Variants in SLC17A7 observed in about 807,000 individuals in gnomAD.
SLC17A7 encodes the protein vesicular glutamate transporter 1.
In SLC17A7, 15 loss-of-function variants were observed where a neutral mutation model predicts 59.1. The ratio of observed to expected loss-of-function variants is 0.25; its 90% CI spans 0.17 to 0.39. The LOEUF (loss-of-function observed/expected upper bound fraction) is 0.39. Ranked by LOEUF, SLC17A7 falls within the 10% of genes least tolerant of loss-of-function variation. The pLI, the probability that SLC17A7 is intolerant of heterozygous loss-of-function variation, is 1.00. For synonymous variants in SLC17A7, 353 were observed against 308.9 expected, an observed-to-expected ratio of 1.14 and a Z score of -1.50; for missense variants, 499 against 765.1, an observed-to-expected ratio of 0.65 and a Z score of 4.10.
intron 3 of SLC17A7, 85 bp downstream of exon 3, chr19:49,435,083 G>T: frequency 8.7e-7 from 1 of 1,148,832 alleles, no homozygotes; most frequent in Non-Finnish European, 1.3e-6. Context: ...ATTTACCAGA[G>T]CCAGCCCGCA....
In SLC17A7 at chr19:49,430,283, T is replaced by G; in HGVS notation, c.*236A>C. ...TTTGAAACCACTGAGGCAGAACGGG[T>G]GGAGAGGGAACCTTTAGGGGAATTT... On this transcript the variant is annotated 3_prime_UTR_variant, in exon 12 of 12. Coordinates refer to ENST00000221485, the MANE Select transcript of SLC17A7 (RefSeq NM_020309.4). 4.7e-6 allele frequency: 2 copies of G among 423,720 alleles called. No homozygotes were observed. The highest frequency in any genetic ancestry group is 8.4e-6 in the Non-Finnish European group (2 of 239,216). 26.2% of individuals were successfully genotyped at this position (423,720 alleles called of 1,614,324 possible).
chr19:49,432,752 C>T (rs1004920861), intron 8 of SLC17A7, 59 bp downstream of exon 8: 1 of 1,596,568 alleles, frequency 6.3e-7, no homozygotes, highest in African/African-American at 1.3e-5. Flanking sequence ...TCGGGATCGC[C>T]GCCAGTTCCC....
At chr19:49,437,014 C>T in intron 1 of SLC17A7, 2 of 658,720 alleles carry the variant, frequency 3.0e-6, no homozygotes, top group Non-Finnish European at 5.1e-6. Flanking sequence ...GCCCCCAGCC[C>T]CCTCCTTCTT....
intron 1 of SLC17A7, among the ~76,000 whole-genome samples, chr19:49,438,512 T>G (rs1182241344): frequency 4.1e-5 from 6 of 145,104 alleles, no homozygotes; most frequent in Admixed American, 6.8e-5. Flanking sequence ...GGGAGGGAGG[T>G]GGAAGAGCTG....
intron 11 of SLC17A7, 46 bp from the exon 12 acceptor site, chr19:49,430,858 CAG>C (rs1465378271): frequency 2.5e-6 from 4 of 1,570,542 alleles, no homozygotes; most frequent in South Asian, 2.4e-5. Flanking sequence ...GACAGAGAAA[CAG>C]AGGCGGAGAG....
chr19:49,437,403 G>T (rs2078983788), intron 1 of SLC17A7: 3 of 155,920 alleles, frequency 1.9e-5, no homozygotes, highest in Admixed American at 6.1e-5. Context: ...GCCCTGGTAG[G>T]GGGATTGGCT....
In SLC17A7 at chr19:49,434,593, T is replaced by G; in HGVS notation, c.637+9A>C. 2.5e-6 allele frequency: 4 copies of G among 1,596,976 alleles called. No individual in the cohort carries two copies. Among genetic ancestry groups the G allele is most frequent in the Non-Finnish European group, 3.4e-6 (4 of 1,175,282 alleles). On this transcript the variant is annotated intron_variant, in intron 5 of 11. Coordinates refer to ENST00000221485, the MANE Select transcript of SLC17A7 (RefSeq NM_020309.4). ...CAGATTCAGGAGTGAGGATCCCTCT[T>G]CCTCTCACCACAAAAGGCTGTCGTC...
rs2078969742 is a variant in SLC17A7, at chr19:49,433,786, C to A, written c.807G>T (p.Glu269Asp). Reference protein sequence around the residue: ...SPALHPSISEEERKYIEDAIG... With the variant: ...SPALHPSISEDERKYIEDAIG... ...TGGCGTCCTCGATGTACTTGCGCTCCTCCTCCGAGATGCTGGGGTGCAGCG... is the reference window on the plus strand; with the variant it reads ...TGGCGTCCTCGATGTACTTGCGCTCATCCTCCGAGATGCTGGGGTGCAGCG... The change falls in exon 7 of 12, where the codon GAG (glutamate) becomes GAT (aspartate). Residue 269 changes from glutamate to aspartate, a missense_variant. Transcript: ENST00000221485. This position sits in a 1 kb window ranked among gnomAD's most constrained non-coding sequence, Gnocchi z 5.7. 1 of 1,614,078 alleles carries A rather than the reference C, an allele frequency of 6.2e-7. No individual in the cohort carries two copies. Among genetic ancestry groups the A allele is most frequent in the Non-Finnish European group, 8.5e-7 (1 of 1,179,982 alleles).
chr19:49,436,789 C>G lies in SLC17A7; in HGVS notation c.75G>C (p.Lys25Asn), dbSNP rs746087659. 1.6e-5 allele frequency: 26 copies of G among 1,602,448 alleles called. No individual in the cohort carries two copies. Among genetic ancestry groups the G allele is most frequent in the Non-Finnish European group, 2.0e-5 (24 of 1,179,704 alleles). ...ALGKLHRLLEKRQEGAETLEL... is the reference protein window; with the variant it reads ...ALGKLHRLLENRQEGAETLEL... Reference sequence around the variant, plus strand: ...CCAGCGTCTCCGCGCCTTCCTGCCGCTTCTCCAGAAGGCTGCGGGACAGCA... The same window carrying G: ...CCAGCGTCTCCGCGCCTTCCTGCCGGTTCTCCAGAAGGCTGCGGGACAGCA... Residue 25 changes from lysine to asparagine, a missense_variant, in exon 2 of 12, where the codon AAG (lysine) becomes AAC (asparagine). Coordinates refer to ENST00000221485, the MANE Select transcript of SLC17A7 (RefSeq NM_020309.4). This position sits in a 1 kb window ranked among gnomAD's most constrained non-coding sequence, Gnocchi z 4.1.
At position 49,435,268 on chromosome 19, in the gene SLC17A7, C is replaced by G; in HGVS notation, c.334G>C (p.Asp112His). The G allele has an allele frequency of 6.2e-7, 1 of 1,613,908 alleles. No homozygotes were observed. The highest frequency in any genetic ancestry group is 8.5e-7 in the Non-Finnish European group (1 of 1,179,836). ...VVVQKAQFSW[D>H]PETVGLIHGS... ...TGTATGAGGCCGACAGTCTCTGGAT[C>G]CCAGCTGAACTGGGCTTTCTGCGGG... The change falls in exon 3 of 12, where the codon GAT becomes CAT. Residue 112 changes from aspartate (D) to histidine (H), a missense_variant. Physicochemically the swap from Asp to His is moderately conservative, Grantham distance 81. Around this residue, in one of 3 missense-constraint regions of SLC17A7, gnomAD observed 323 missense variants for 607.2 expected, o/e 0.53. Transcript: ENST00000221485.
chr19:49,440,814 A>G (rs1304363496), intron 1 of SLC17A7, among the ~76,000 whole-genome samples: 1 of 151,644 alleles, frequency 6.6e-6, no homozygotes, highest in African/African-American at 2.4e-5. Context: ...AGAGACCCAG[A>G]AAGAGGGGGA....
rs1253715245 is a variant in SLC17A7 at position 49,431,147 on chromosome 19, C to A, written c.1262-5G>T. 1.2e-6 allele frequency: 2 copies of A among 1,611,632 alleles called. No individual in the cohort carries two copies. Among genetic ancestry groups the A allele is most frequent in the Non-Finnish European group, 1.7e-6 (2 of 1,178,524 alleles). ...CCAGGTGGTTCACGTTGAACCCTGG[C>A]GGAGAGACAAGTCGGAAGGCGTCAC... On this transcript the variant is annotated splice_region_variant and splice_polypyrimidine_tract_variant and intron_variant, in intron 10 of 11. Transcript: ENST00000221485. This position sits in a 1 kb window ranked among gnomAD's most constrained non-coding sequence, Gnocchi z 4.6.
chr19:49,429,453 A>G lies in SLC17A7; in HGVS notation c.*1066T>C. ...GTGGGGCAGGGCAGGATTTACAGTC[A>G]CAGAGACAGAGACACAAAGACACAA... On this transcript the variant is annotated 3_prime_UTR_variant, in exon 12 of 12. Coordinates refer to ENST00000221485, the MANE Select transcript of SLC17A7 (RefSeq NM_020309.4). The G allele has an allele frequency of 1.0e-5, 4 of 399,188 alleles. No homozygotes were observed. The highest frequency in any genetic ancestry group is 1.8e-5 in the Non-Finnish European group (4 of 226,154). The allele number at this position is 399,188 out of a possible 1,614,324, so 24.7% of individuals were successfully genotyped here. A position where few individuals can be genotyped will look rare whatever the true frequency, so the allele number is the denominator to read the frequency against.
rs1026985911 is a variant in SLC17A7 at position 49,431,648 on chromosome 19, C to A, written c.1151-200G>T. ...ACCAGGCCCCTACTTCTCCAAGACC[C>A]AGCCCTGACCACGCCCACCAGCTCC... is the stretch of plus-strand genomic sequence containing the variant. On this transcript the variant is annotated intron_variant, in intron 9 of 11. Coordinates refer to ENST00000221485, the MANE Select transcript of SLC17A7 (RefSeq NM_020309.4). This position sits in a 1 kb window ranked among gnomAD's most constrained non-coding sequence, Gnocchi z 4.6. Among the ~76,000 whole-genome samples the A allele has an allele frequency of 6.6e-6, 1 of 152,136 alleles. No individual in the cohort carries two copies. Among genetic ancestry groups the A allele is most frequent in the Non-Finnish European group, 1.5e-5 (1 of 68,022 alleles).
At chr19:49,435,055 C>G (rs1487093802) in intron 3 of SLC17A7, 113 bp downstream of exon 3, 1 of 1,031,738 alleles carries the variant, frequency 9.7e-7, no homozygotes, top group Admixed American at 1.9e-5. Flanking sequence ...GACCCACCCC[C>G]AAATCCAGGC....
At chr19:49,439,540 T>C (rs1232928077) in intron 1 of SLC17A7, among the ~76,000 whole-genome samples, 1 of 152,206 alleles carries the variant, frequency 6.6e-6, no homozygotes. Context: ...GGAGGGAGAC[T>C]GACCTGGGTT....
In SLC17A7 at chr19:49,441,471, TC is replaced by T. The variant is rs1568637022; in HGVS notation, c.-93del. The stretch of plus-strand genomic sequence containing the variant: ...GGCGGCCGCGTCCGGGTTCCCGGGG[TC>T]CAGCCCCGGCCCGGCCGGCCCCGCA... On this transcript the variant is annotated 5_prime_UTR_variant, in exon 1 of 12. Coordinates refer to ENST00000221485, the MANE Select transcript of SLC17A7 (RefSeq NM_020309.4). 1 of 1,010,874 alleles carries T rather than the reference TC, an allele frequency of 9.9e-7. No homozygotes were observed. Among genetic ancestry groups the T allele is most frequent in the Non-Finnish European group, 1.1e-6 (1 of 874,912 alleles). The allele number at this position is 1,010,874 out of a possible 1,614,324, so 62.6% of individuals were successfully genotyped here.
chr19:49,437,101 C>A, intron 1 of SLC17A7: 1 of 489,450 alleles, frequency 2.0e-6, no homozygotes, highest in Non-Finnish European at 3.7e-6. Context: ...CCCAGACAAC[C>A]CTTTGGGATT....
At chr19:49,439,770 G>A (rs2078992922) in intron 1 of SLC17A7, among the ~76,000 whole-genome samples, 1 of 152,176 alleles carries the variant, frequency 6.6e-6, no homozygotes, top group Admixed American at 6.5e-5. Flanking sequence ...GAGCCCGGGG[G>A]TCTCTGGGGA....
Sources: gnomAD v4.1 joint callset for allele counts (sites outside exome capture counted in the v4.1 genomes callset) on GRCh38, gnomAD v4.1.1 for gene constraint, gnomAD v4.1.1 regional missense constraint, Gnocchi (gnomAD v3.1) non-coding constraint, MANE v1.5 for transcripts, NCBI Gene and HGNC (gene_info 2026-07-23, HGNC 2026-07-21) for gene names.